The following SLC2A13 variants were observed in gnomAD, a reference collection of about 807,000 sequenced individuals.
SLC2A13 encodes solute carrier family 2 member 13, also known as proton myo-inositol cotransporter.
SLC2A13 carries 32 observed loss-of-function variants against 64.4 expected under a neutral mutation model. That is an observed-to-expected ratio of 0.50 (90% confidence interval 0.37 to 0.67). SLC2A13 has a LOEUF of 0.67. Among genes scored for constraint, SLC2A13 ranks in the 30% least tolerant of loss-of-function variants. The pLI, the probability that SLC2A13 is intolerant of heterozygous loss-of-function variation, is 0.00. For missense variants in SLC2A13, 743 were observed against 829.2 expected (o/e 0.90, Z 1.28); for synonymous variants, 338 against 327.1 (o/e 1.03, Z -0.36).
intron 2 of SLC2A13, among the ~76,000 whole-genome samples, chr12:40,047,608 T>C (rs1398348182): frequency 1.3e-5 from 2 of 152,202 alleles, no homozygotes; most frequent in East Asian, 3.8e-4. Context: ...ATGTATATCT[T>C]TTTATAGAGG....
Position 39,760,095 on chromosome 12 carries a change from A to G in SLC2A13, c.1878T>C (p.Tyr626=), listed in dbSNP as rs766193801. ...TTCCCTTTACCCGAATATATTCAAT[A>G]TATCTCCCTTCATCAGAATCTGAAG... The part of the protein sequence containing the change: ...CGTSDSDEGR[Y]IEYIRVKGSN... The change falls in exon 10 of 10, where the codon TAT becomes TAC. Residue 626 remains tyrosine, a synonymous_variant. Coordinates refer to ENST00000280871, the MANE Select transcript of SLC2A13 (RefSeq NM_052885.4). 2.5e-6 allele frequency: 4 copies of G among 1,612,928 alleles called. No individual in the cohort carries two copies. In the East Asian group the frequency reaches 6.7e-5, roughly 27 times the overall value.
At chr12:39,858,486 A>G (rs749419334) in intron 6 of SLC2A13, among the ~76,000 whole-genome samples, 2 of 152,218 alleles carry the variant, frequency 1.3e-5, no homozygotes, top group African/African-American at 4.8e-5. Flanking sequence ...AGTTGTTTCA[A>G]TTCACAGCAT....
At position 39,779,576 on chromosome 12, in the gene SLC2A13, A is replaced by G. The variant is rs551872863; in HGVS notation, c.1446-14718T>C. 7.9e-5 allele frequency among the ~76,000 whole-genome samples: 12 copies of G among 152,294 alleles called. No individual in the cohort carries two copies. The East Asian group carries it at 2.3e-3, about 29-fold the overall frequency. On this transcript the variant is annotated intron_variant, in intron 7 of 9. Coordinates refer to ENST00000280871, the MANE Select transcript of SLC2A13 (RefSeq NM_052885.4). The stretch of plus-strand genomic sequence containing the variant: ...TGTAAATGTTAATTAAAAAAATTAA[A>G]ACACTTTTTTTGCTTCCCATTAGGC...
At position 40,087,033 on chromosome 12, in the gene SLC2A13, G is replaced by A. The variant is rs557590149; in HGVS notation, c.556+18220C>T. On this transcript the variant is annotated intron_variant, in intron 1 of 9. Transcript: ENST00000280871. ...AGTGAAAGTGGACAAAATGTACCCAGTCCTCAGATTGATTTCCTCTAATCT... is the reference window on the plus strand; with the variant it reads ...AGTGAAAGTGGACAAAATGTACCCAATCCTCAGATTGATTTCCTCTAATCT... Among the ~76,000 whole-genome samples the A allele has an allele frequency of 3.9e-5, 6 of 152,236 alleles. No individual in the cohort carries two copies. In the South Asian group the frequency reaches 8.3e-4, roughly 21 times the overall value.
chr12:39,918,384 G>A (rs1592282298), intron 4 of SLC2A13, among the ~76,000 whole-genome samples: 1 of 142,740 alleles, frequency 7.0e-6, no homozygotes, highest in Non-Finnish European at 1.5e-5. Context: ...TTTTCGGTAC[G>A]AAACAAGAGT....
At chr12:40,072,278 T>C (rs1391437172) in intron 1 of SLC2A13, among the ~76,000 whole-genome samples, 1 of 152,098 alleles carries the variant, frequency 6.6e-6, no homozygotes, top group East Asian at 1.9e-4. Flanking sequence ...TATGATTGTA[T>C]TCTTTTTAAA....
At chr12:39,961,203 A>G (rs1946406986) in intron 3 of SLC2A13, among the ~76,000 whole-genome samples, 1 of 151,324 alleles carries the variant, frequency 6.6e-6, no homozygotes, top group African/African-American at 2.4e-5. Context: ...TCAGCCTCCC[A>G]ACTAGCTGGA....
chr12:39,829,217 C>A (rs964669161), intron 7 of SLC2A13, among the ~76,000 whole-genome samples: 1 of 151,608 alleles, frequency 6.6e-6, no homozygotes, highest in African/African-American at 2.4e-5. Flanking sequence ...ACTAATATTT[C>A]ATTTATGCAT....
intron 6 of SLC2A13, among the ~76,000 whole-genome samples, chr12:39,849,311 G>A (rs529122101): frequency 5.3e-5 from 8 of 152,186 alleles, no homozygotes; most frequent in African/African-American, 1.9e-4. Flanking sequence ...AGCATTTAGC[G>A]AGCACACTGG....
intron 6 of SLC2A13, among the ~76,000 whole-genome samples, chr12:39,859,206 G>C (rs569275096): frequency 2.0e-5 from 3 of 148,246 alleles, no homozygotes; most frequent in African/African-American, 5.0e-5. Flanking sequence ...TCACTATACA[G>C]AAAAAGAACC....
intron 3 of SLC2A13, among the ~76,000 whole-genome samples, chr12:39,985,467 G>A (rs1270971613): frequency 2.6e-5 from 4 of 152,092 alleles, no homozygotes; most frequent in African/African-American, 7.2e-5. Context: ...TATTCACAGT[G>A]TGTCTCTAAA....
intron 6 of SLC2A13, among the ~76,000 whole-genome samples, chr12:39,864,036 T>C (rs1943839420): frequency 6.6e-6 from 1 of 152,242 alleles, no homozygotes; most frequent in African/African-American, 2.4e-5. Context: ...TGCTAGACTT[T>C]ATGGTGGCTA....
chr12:40,039,283 T>G (rs990532471), intron 2 of SLC2A13, among the ~76,000 whole-genome samples: 1 of 152,240 alleles, frequency 6.6e-6, no homozygotes, highest in Non-Finnish European at 1.5e-5. Flanking sequence ...TTTTGTATAT[T>G]ACATCTTTTC....
At chr12:39,983,945 A>G (rs1479003855) in intron 3 of SLC2A13, among the ~76,000 whole-genome samples, 4 of 149,996 alleles carry the variant, frequency 2.7e-5, no homozygotes, top group Non-Finnish European at 3.0e-5. Context: ...TCCAACAATC[A>G]TAGACTGGAT....
At chr12:40,056,469 T>A (rs1948335371) in intron 1 of SLC2A13, among the ~76,000 whole-genome samples, 1 of 152,202 alleles carries the variant, frequency 6.6e-6, no homozygotes, top group Non-Finnish European at 1.5e-5. Flanking sequence ...AGAAGCAGTA[T>A]GCATTTCCAC....
chr12:39,926,413 C>CA (rs1945731174), intron 4 of SLC2A13, among the ~76,000 whole-genome samples: 1 of 152,082 alleles, frequency 6.6e-6, no homozygotes. Flanking sequence ...TTTAAAAACT[C>CA]AGACATATTT....
intron 6 of SLC2A13, chr12:39,830,483 G>A: frequency 8.5e-7 from 1 of 1,183,022 alleles, no homozygotes; most frequent in Non-Finnish European, 1.1e-6. Context: ...CTGAGAGACT[G>A]AATGTAGAAG....
intron 6 of SLC2A13, among the ~76,000 whole-genome samples, chr12:39,838,502 A>T (rs886148807): frequency 9.7e-5 from 8 of 82,454 alleles, no homozygotes; most frequent in African/African-American, 1.6e-4. Context: ...AAAAAAAAAT[A>T]AATTAAAAAA....
intron 7 of SLC2A13, among the ~76,000 whole-genome samples, chr12:39,794,279 A>G (rs1203731051): frequency 2.6e-5 from 4 of 152,096 alleles, no homozygotes. Flanking sequence ...TATTTGAATA[A>G]TATACATTTT....
Sources: allele counts gnomAD v4.1 joint callset (sites outside exome capture counted in the v4.1 genomes callset), GRCh38; gene constraint gnomAD v4.1.1; transcripts MANE v1.5; gene names NCBI Gene and HGNC (gene_info 2026-07-23, HGNC 2026-07-21).